The following ATP2B2 variants were observed in gnomAD, a reference collection of about 807,000 sequenced individuals.
ATP2B2 encodes plasma membrane calcium-transporting ATPase 2.
A neutral mutation model predicts 120.0 loss-of-function variants in ATP2B2; 15 were observed. That is an observed-to-expected ratio of 0.12 (90% CI 0.08 to 0.19). ATP2B2 has a LOEUF of 0.19. ATP2B2 is among the 10% of genes least tolerant of loss of function. The pLI is 1.00. For missense variants in ATP2B2, 1,045 were observed against 1,719.8 expected, an observed-to-expected ratio of 0.61 and a Z score of 6.94; for synonymous variants, 694 against 700.3, an observed-to-expected ratio of 0.99 and a Z score of 0.14.
intron 21 of ATP2B2, among the ~76,000 whole-genome samples, chr3:10,339,782 C>T (rs780403952): frequency 1.1e-4 from 17 of 152,168 alleles, no homozygotes; most frequent in Non-Finnish European, 1.8e-4. Context: ...GCCACCAGCG[C>T]CCGCAGACCA....
intron 8 of ATP2B2, among the ~76,000 whole-genome samples, chr3:10,383,490 C>G (rs1365282296): frequency 2.6e-5 from 4 of 152,210 alleles, no homozygotes; most frequent in Non-Finnish European, 5.9e-5. Flanking sequence ...GTAAAGCCCT[C>G]TTAACATCCT....
At chr3:10,692,663 C>T (rs1425585294) in intron 1 of ATP2B2, among the ~76,000 whole-genome samples, 1 of 152,144 alleles carries the variant, frequency 6.6e-6, no homozygotes, top group Non-Finnish European at 1.5e-5. Flanking sequence ...TGTGGGTTCC[C>T]GGCCTCCCCA....
At chr3:10,549,867 G>A (rs1009140026) in intron 2 of ATP2B2, among the ~76,000 whole-genome samples, 1 of 152,136 alleles carries the variant, frequency 6.6e-6, no homozygotes, top group Non-Finnish European at 1.5e-5. Flanking sequence ...CAGGGGAGGG[G>A]CCCACTGAGG....
At chr3:10,338,419 T>C (rs2060186137) in intron 21 of ATP2B2, 61 bp from the exon 22 acceptor site, 2 of 1,582,840 alleles carry the variant, frequency 1.3e-6, no homozygotes, top group Admixed American at 1.7e-5. Flanking sequence ...CTTCTCTCCC[T>C]GACACCCGCT....
At chr3:10,562,775 A>G (rs2067931378) in intron 2 of ATP2B2, among the ~76,000 whole-genome samples, 3 of 152,212 alleles carry the variant, frequency 2.0e-5, no homozygotes, top group African/African-American at 7.2e-5. Flanking sequence ...AAAATTGTAA[A>G]CAACCTAAAT....
rs149909178 is a variant in ATP2B2 at position 10,623,598 on chromosome 3, G to T, written c.-459-3637C>A. Among the ~76,000 whole-genome samples, 68 of 152,288 alleles carry T rather than the reference G, an allele frequency of 4.5e-4. No individual in the cohort carries two copies. In the Middle Eastern group the frequency reaches 0.02, roughly 46 times the overall value. On this transcript the variant is annotated intron_variant, in intron 1 of 21. Transcript: ENST00000646379. ...GCACTTTTATCCTTCGAAAGTTCAG[G>T]GACTAATCTCCTTGGGCGGAAGGCC...
chr3:10,512,458 G>GTA (rs2066780342), intron 3 of ATP2B2, among the ~76,000 whole-genome samples: 1 of 89,304 alleles, frequency 1.1e-5, no homozygotes, highest in Non-Finnish European at 2.0e-5. Context: ...GTGCTAAAGT[G>GTA]TGTGCGCACA....
intron 16 of ATP2B2, 123 bp downstream of exon 16, chr3:10,349,989 G>A: frequency 1.0e-6 from 1 of 967,514 alleles, no homozygotes; most frequent in Non-Finnish European, 1.6e-6. Flanking sequence ...GTGCCCAGGT[G>A]TGGAGAGTCA....
chr3:10,614,746 C>T (rs2125614214), intron 2 of ATP2B2, among the ~76,000 whole-genome samples: 1 of 152,234 alleles, frequency 6.6e-6, no homozygotes, highest in South Asian at 2.1e-4. Context: ...AGCAGGCCCA[C>T]AGGACTTTAT....
At chr3:10,433,123 C>G (rs142936298) in intron 2 of ATP2B2, among the ~76,000 whole-genome samples, 1 of 152,248 alleles carries the variant, frequency 6.6e-6, no homozygotes, top group African/African-American at 2.4e-5. Context: ...TGTGCTCCAG[C>G]TGCCTCTCTC....
chr3:10,634,626 C>T (rs1236990429), intron 1 of ATP2B2, among the ~76,000 whole-genome samples: 1 of 152,208 alleles, frequency 6.6e-6, no homozygotes, highest in Admixed American at 6.5e-5. Context: ...TCTTTGGGAG[C>T]CTCCAGTCAT....
chr3:10,501,190 G>A (rs954508653), intron 1 of ATP2B2, among the ~76,000 whole-genome samples: 1 of 152,112 alleles, frequency 6.6e-6, no homozygotes, highest in East Asian at 1.9e-4. Flanking sequence ...GGAACTCTCT[G>A]ACCCTGCAGA....
intron 1 of ATP2B2, among the ~76,000 whole-genome samples, chr3:10,456,453 T>C (rs576725736): frequency 6.6e-6 from 1 of 152,230 alleles, no homozygotes; most frequent in Non-Finnish European, 1.5e-5. Flanking sequence ...CTTAATCCTC[T>C]GTGCCTTGGT....
At chr3:10,359,757 G>T in intron 13 of ATP2B2, 125 bp downstream of exon 13, 1 of 1,412,100 alleles carries the variant, frequency 7.1e-7, no homozygotes, top group Non-Finnish European at 9.8e-7. Flanking sequence ...GTGCTAGACG[G>T]CCACTCCAGC....
intron 1 of ATP2B2, among the ~76,000 whole-genome samples, chr3:10,670,755 G>C (rs552313387): frequency 3.9e-5 from 6 of 152,186 alleles, no homozygotes; most frequent in Non-Finnish European, 5.9e-5. Context: ...AAGGATGTTC[G>C]TGTGGAAGAA....
chr3:10,359,969 A>G lies in ATP2B2; in HGVS notation c.1814T>C (p.Val605Ala). ...GATGACAGTGCTCATGGACTTGCGC[A>G]CGGAGTTGAAGGTGTACACTTTGTA... is the stretch of plus-strand genomic sequence containing the variant. ...KLYKVYTFNS[V>A]RKSMSTVIKL... Residue 605 changes from valine to alanine, a missense_variant, in exon 13 of 23, where the codon GTG becomes GCG. Physicochemically the swap from Val to Ala is moderately conservative, Grantham distance 64. Transcript: ENST00000360273. The G allele has an allele frequency of 6.2e-7, 1 of 1,614,246 alleles. No homozygotes were observed. Among genetic ancestry groups the G allele is most frequent in the Non-Finnish European group, 8.5e-7 (1 of 1,180,032 alleles).
chr3:10,575,908 A>AC (rs2125551950), intron 2 of ATP2B2, among the ~76,000 whole-genome samples: 1 of 152,228 alleles, frequency 6.6e-6, no homozygotes, highest in East Asian at 1.9e-4. Context: ...GGCCTTAGAG[A>AC]CCCCATGTGT....
chr3:10,505,097 C>T (rs1386128749), intron 1 of ATP2B2, among the ~76,000 whole-genome samples: 1 of 152,208 alleles, frequency 6.6e-6, no homozygotes, highest in Non-Finnish European at 1.5e-5. Flanking sequence ...CACCAGCTTG[C>T]TGGCCCTTGC....
At chr3:10,702,986 T>C (rs971740656) in intron 1 of ATP2B2, among the ~76,000 whole-genome samples, 6 of 152,206 alleles carry the variant, frequency 3.9e-5, no homozygotes, top group South Asian at 2.1e-4. Context: ...GGAAGCCTGA[T>C]GGAAGCTATG....
Sources: allele counts gnomAD v4.1 joint callset (sites outside exome capture counted in the v4.1 genomes callset), GRCh38; gene constraint gnomAD v4.1.1; transcripts MANE v1.5; gene names NCBI Gene and HGNC (gene_info 2026-07-23, HGNC 2026-07-21).